RGS10: variants seen among roughly 807,000 people sequenced by gnomAD.
RGS10 encodes regulator of G protein signaling 10, also known as regulator of G-protein signalling 10.
RGS10 carries 11 observed loss-of-function variants against 23.5 expected under a neutral mutation model. The observed-to-expected ratio is 0.47, with a 90% confidence interval of 0.29 to 0.77. The LOEUF (loss-of-function observed/expected upper bound fraction) is 0.77, where lower values mean the gene tolerates loss of function less well. Ranked by LOEUF, RGS10 falls within the 30% of genes least tolerant of loss-of-function variation. The pLI is 0.08. For missense variants in RGS10, 180 were observed against 226.3 expected, an observed-to-expected ratio of 0.80 and a Z score of 1.31; for synonymous variants, 77 against 83.2, an observed-to-expected ratio of 0.92 and a Z score of 0.41.
chr10:119,537,499 A>T (rs1203094980), intron 1 of RGS10, among the ~76,000 whole-genome samples: 1 of 152,222 alleles, frequency 6.6e-6, no homozygotes, highest in African/African-American at 2.4e-5. Flanking sequence ...TTTACAGATC[A>T]GGAAACTGAG....
At chr10:119,513,640 G>A (rs551876993) in intron 4 of RGS10, among the ~76,000 whole-genome samples, 74 of 152,128 alleles carry the variant, frequency 4.9e-4, no homozygotes, top group Middle Eastern at 3.2e-3. Context: ...TTGGGCAGGC[G>A]GGCTGGATCT....
rs549839013 is a variant in RGS10, at chr10:119,524,649, C to T, written c.255+1383G>A. Among the ~76,000 whole-genome samples the T allele has an allele frequency of 6.6e-6, 1 of 152,276 alleles. No individual in the cohort carries two copies. The highest frequency in any genetic ancestry group is 2.1e-4 in the South Asian group (1 of 4,822). On this transcript the variant is annotated intron_variant, in intron 3 of 4. Transcript: ENST00000369103. This position sits in a 1 kb window ranked among gnomAD's most constrained non-coding sequence, Gnocchi z 5.2. Reference sequence around the variant, plus strand: ...AATCCTAGCATCCCAAAGCATCCCCCACCACCTGCTTCTCACTTTCCCCTG... The same window carrying T: ...AATCCTAGCATCCCAAAGCATCCCCTACCACCTGCTTCTCACTTTCCCCTG...
At chr10:119,519,310 C>T (rs1361163967) in intron 3 of RGS10, among the ~76,000 whole-genome samples, 1 of 151,598 alleles carries the variant, frequency 6.6e-6, no homozygotes, top group Non-Finnish European at 1.5e-5. Context: ...GTGTCTGTCC[C>T]CCAGCTCCTG....
intron 1 of RGS10, among the ~76,000 whole-genome samples, chr10:119,529,221 G>T (rs1021318299): frequency 6.6e-6 from 1 of 152,194 alleles, no homozygotes; most frequent in East Asian, 1.9e-4. Flanking sequence ...AGGGGGCTGA[G>T]GCGGGTGGAT....
Position 119,527,515 on chromosome 10 carries a change from C to T in RGS10, c.50-91G>A. ...CAATGGTCAGCACTGCCGTCACCAT[C>T]ACGGCTGACATACACCGACTTATGC... On this transcript the variant is annotated intron_variant, in intron 1 of 4. Transcript: ENST00000369103. The surrounding 1 kb of genome is among the most constrained non-coding windows in gnomAD (Gnocchi z 4.2). 1.1e-6 allele frequency: 1 copy of T among 921,184 alleles called. No individual in the cohort carries two copies. Among genetic ancestry groups the T allele is most frequent in the Non-Finnish European group, 1.8e-6 (1 of 564,238 alleles). The allele number at this position is 921,184 out of a possible 1,614,324, so 57.1% of individuals were successfully genotyped here.
chr10:119,507,067 C>A (rs966499107), intron 4 of RGS10, among the ~76,000 whole-genome samples: 1 of 152,174 alleles, frequency 6.6e-6, no homozygotes, highest in African/African-American at 2.4e-5. Context: ...CCATCCTGAC[C>A]CTCGTGAGGC....
rs550253387 is a variant in RGS10, at chr10:119,503,339, C to CAA, written c.400-3082_400-3081dup. On this transcript the variant is annotated intron_variant, in intron 4 of 4. Coordinates refer to ENST00000369103, the MANE Select transcript of RGS10 (RefSeq NM_001005339.2). ...TGGGTGATAGAGCCAGACCCTGTCT[C>CAA]AAAAAAAAAAAAAAAAGAGAATGCA... 1.9e-3 allele frequency among the ~76,000 whole-genome samples: 197 copies of CAA among 103,520 alleles called. 1 individual carries two copies. Among genetic ancestry groups the CAA allele is most frequent in the African/African-American group, 6.6e-3 (187 of 28,472 alleles). 67.9% of individuals were successfully genotyped at this position (103,520 alleles called of 152,430 possible).
intron 3 of RGS10, among the ~76,000 whole-genome samples, chr10:119,523,132 C>T (rs545519550): frequency 1.5e-4 from 23 of 152,046 alleles, no homozygotes; most frequent in East Asian, 5.8e-4. Flanking sequence ...TAATTGCAGG[C>T]GTGAGCCACT....
At chr10:119,513,294 CA>C in intron 4 of RGS10, among the ~76,000 whole-genome samples, 2 of 151,214 alleles carry the variant, frequency 1.3e-5, no homozygotes, top group Non-Finnish European at 1.5e-5. Flanking sequence ...TTCATCTCTA[CA>C]AAAAAAATAC....
Position 119,542,663 on chromosome 10 carries a change from A to T in RGS10, c.-25T>A. 1 of 1,371,994 alleles carries T rather than the reference A, an allele frequency of 7.3e-7. No individual in the cohort carries two copies. The highest frequency in any genetic ancestry group is 2.7e-4 in the Middle Eastern group (1 of 3,754). The allele number at this position is 1,371,994 out of a possible 1,614,324, so 85.0% of individuals were successfully genotyped here. A position where few individuals can be genotyped will look rare whatever the true frequency, so the allele number is the denominator to read the frequency against. ...TCGCCGCGGGCGCCCGAGGAGGAAG[A>T]AGGAGCAGCCCGGCGGCGCGGCGGC... On this transcript the variant is annotated 5_prime_UTR_variant, in exon 1 of 5. Coordinates refer to ENST00000369103, the MANE Select transcript of RGS10 (RefSeq NM_001005339.2).
At chr10:119,505,513 A>G (rs533759538) in intron 4 of RGS10, among the ~76,000 whole-genome samples, 1 of 152,092 alleles carries the variant, frequency 6.6e-6, no homozygotes, top group African/African-American at 2.4e-5. Context: ...CTTCCTGCAG[A>G]TGTGCAACTC....
rs1380433180 is a variant in RGS10 at position 119,537,391 on chromosome 10, A to AAG, written c.49+5198_49+5199insCT. 3.1e-3 allele frequency among the ~76,000 whole-genome samples: 464 copies of AAG among 151,852 alleles called. 5 individuals carry two copies. Among genetic ancestry groups the AAG allele is most frequent in the African/African-American group, 0.011 (438 of 41,422 alleles). ...GAGTGAAACTCCGTCTCAAAAAAAAAAAAAAGAAAAAGAAAAGTTGACATT... is the reference window on the plus strand; with the variant it reads ...GAGTGAAACTCCGTCTCAAAAAAAAAAGAAAAAGAAAAAGAAAAGTTGACATT... On this transcript the variant is annotated intron_variant, in intron 1 of 4. Coordinates refer to ENST00000369103, the MANE Select transcript of RGS10 (RefSeq NM_001005339.2).
Position 119,517,691 on chromosome 10 carries a change from C to T in RGS10, c.256-2039G>A, listed in dbSNP as rs776668262. 6.6e-5 allele frequency among the ~76,000 whole-genome samples: 10 copies of T among 152,156 alleles called. No individual in the cohort carries two copies. The highest frequency in any genetic ancestry group is 1.9e-4 in the East Asian group (1 of 5,198). Reference sequence around the variant, plus strand: ...TCACACGCACACACACACGCACACACGTGCACACACGCACACACATACACA... The same window carrying T: ...TCACACGCACACACACACGCACACATGTGCACACACGCACACACATACACA... On this transcript the variant is annotated intron_variant, in intron 3 of 4. Transcript: ENST00000369103. The surrounding 1 kb of genome is among the most constrained non-coding windows in gnomAD (Gnocchi z 5.0).
At chr10:119,515,167 C>T (rs958889545) in intron 4 of RGS10, among the ~76,000 whole-genome samples, 34 of 152,092 alleles carry the variant, frequency 2.2e-4, no homozygotes, top group African/African-American at 7.5e-4. Flanking sequence ...TGGAGTTTTC[C>T]GTCTATTCTT....
At chr10:119,502,891 C>T (rs1328794085) in intron 4 of RGS10, among the ~76,000 whole-genome samples, 2 of 152,178 alleles carry the variant, frequency 1.3e-5, no homozygotes, top group Non-Finnish European at 2.9e-5. Flanking sequence ...CCCAGACAGG[C>T]TGGAGAAAGG....
In RGS10 at chr10:119,538,497, G is replaced by A. The variant is rs1280476375; in HGVS notation, c.49+4093C>T. On this transcript the variant is annotated intron_variant, in intron 1 of 4. Transcript: ENST00000369103. The surrounding 1 kb of genome is among the most constrained non-coding windows in gnomAD (Gnocchi z 4.5). ...AGGCTTTGGGACAGGACAAAGGACA[G>A]CTGGGGGAGCAAAGGCACAGAGGGA... Among the ~76,000 whole-genome samples, 2 of 152,186 alleles carry A rather than the reference G, an allele frequency of 1.3e-5. No individual in the cohort carries two copies. Among genetic ancestry groups the A allele is most frequent in the East Asian group, 3.8e-4 (2 of 5,202 alleles).
rs1427187783 is a variant in RGS10 at position 119,538,324 on chromosome 10, G to A, written c.49+4266C>T. ...TGCCCCTTCAGAAATGGGTGCCTCC[G>A]GACAAGTCCCTGCCCCTTAGTGGCC... On this transcript the variant is annotated intron_variant, in intron 1 of 4. Coordinates refer to ENST00000369103, the MANE Select transcript of RGS10 (RefSeq NM_001005339.2). This position sits in a 1 kb window ranked among gnomAD's most constrained non-coding sequence, Gnocchi z 4.5. 6.6e-6 allele frequency among the ~76,000 whole-genome samples: 1 copy of A among 152,218 alleles called. No homozygotes were observed. Among genetic ancestry groups the A allele is most frequent in the African/African-American group, 2.4e-5 (1 of 41,454 alleles).
intron 3 of RGS10, among the ~76,000 whole-genome samples, chr10:119,518,408 G>T (rs1589837051): frequency 6.6e-6 from 1 of 152,188 alleles, no homozygotes; most frequent in African/African-American, 2.4e-5. Flanking sequence ...ACAAGGCTGA[G>T]GCCCTTCTTC....
At chr10:119,511,920 G>A (rs988404275) in intron 4 of RGS10, among the ~76,000 whole-genome samples, 1 of 152,154 alleles carries the variant, frequency 6.6e-6, no homozygotes, top group Non-Finnish European at 1.5e-5. Flanking sequence ...AATCTGCTAT[G>A]AATGGAAAAA....
Sources: allele counts gnomAD v4.1 joint callset (sites outside exome capture counted in the v4.1 genomes callset), GRCh38; gene constraint gnomAD v4.1.1; non-coding constraint Gnocchi (gnomAD v3.1); transcripts MANE v1.5; gene names NCBI Gene and HGNC (gene_info 2026-07-23, HGNC 2026-07-21).